Variants in CTDSPL observed in about 807,000 individuals in gnomAD.
CTDSPL encodes CTD small phosphatase-like protein.
A neutral mutation model predicts 30.5 loss-of-function variants in CTDSPL; 8 were observed. The observed-to-expected ratio is 0.26, with a 90% CI of 0.15 to 0.47. CTDSPL has a LOEUF of 0.47. CTDSPL is among the 20% of genes least tolerant of loss of function. The pLI is 0.99. For missense variants in CTDSPL, 248 were observed against 366.1 expected, an observed-to-expected ratio of 0.68 and a Z score of 2.63; for synonymous variants, 110 against 137.9, an observed-to-expected ratio of 0.80 and a Z score of 1.42.
At chr3:37,885,121 T>C (rs1008097412) in intron 1 of CTDSPL, among the ~76,000 whole-genome samples, 1 of 152,178 alleles carries the variant, frequency 6.6e-6, no homozygotes, top group Non-Finnish European at 1.5e-5. Context: ...ATTTAAATGA[T>C]TGGCTTTAGA....
chr3:37,929,871 G>A (rs949597022), intron 1 of CTDSPL, among the ~76,000 whole-genome samples: 4 of 152,154 alleles, frequency 2.6e-5, no homozygotes, highest in Non-Finnish European at 5.9e-5. Context: ...ACTTTGGGAG[G>A]CTGATGCAGG....
chr3:37,935,915 A>G (rs1162392636), intron 1 of CTDSPL, among the ~76,000 whole-genome samples: 1 of 152,214 alleles, frequency 6.6e-6, no homozygotes. Context: ...CCCGATGCAT[A>G]GTTGAGAATA....
At chr3:37,943,572 C>T (rs1320596604) in intron 1 of CTDSPL, among the ~76,000 whole-genome samples, 1 of 150,448 alleles carries the variant, frequency 6.6e-6, no homozygotes, top group Non-Finnish European at 1.5e-5. Context: ...ATAGTTGCTA[C>T]TCCCTCCTTT....
chr3:37,890,305 C>T (rs1458691313), intron 1 of CTDSPL, among the ~76,000 whole-genome samples: 1 of 151,954 alleles, frequency 6.6e-6, no homozygotes, highest in Admixed American at 6.6e-5. Flanking sequence ...GGGAGTTGTA[C>T]AAGGGAAAAT....
intron 7 of CTDSPL, among the ~76,000 whole-genome samples, chr3:37,976,556 C>T (rs1457785946): frequency 2.0e-5 from 3 of 151,032 alleles, no homozygotes; most frequent in Non-Finnish European, 2.9e-5. Flanking sequence ...CACTTGAACC[C>T]GGGAGGCGGA....
At chr3:37,927,757 C>G (rs920629642) in intron 1 of CTDSPL, among the ~76,000 whole-genome samples, 2 of 147,342 alleles carry the variant, frequency 1.4e-5, no homozygotes, top group Non-Finnish European at 3.0e-5. Flanking sequence ...ACAGTCTTAT[C>G]TATATTGTAC....
chr3:37,937,932 C>G (rs1268900331), intron 1 of CTDSPL, among the ~76,000 whole-genome samples: 1 of 150,446 alleles, frequency 6.6e-6, no homozygotes, highest in Non-Finnish European at 1.5e-5. Context: ...CATGCTGGGT[C>G]TTCAGGGATC....
intron 1 of CTDSPL, among the ~76,000 whole-genome samples, chr3:37,924,094 C>T (rs981994855): frequency 6.6e-6 from 1 of 152,220 alleles, no homozygotes; most frequent in African/African-American, 2.4e-5. Context: ...AGGCCTCTTG[C>T]CGTATGGCAT....
chr3:37,982,522 G>A lies in CTDSPL; in HGVS notation c.*1655G>A, dbSNP rs940972003. On this transcript the variant is annotated 3_prime_UTR_variant, in exon 8 of 8. Transcript: ENST00000273179. Reference sequence around the variant, plus strand: ...ACTGGCATTAACAAGACTGGAAATCGGGGGTCAAAGTAAAATATCTTTGTT... The same window carrying A: ...ACTGGCATTAACAAGACTGGAAATCAGGGGTCAAAGTAAAATATCTTTGTT... 5 of 456,510 alleles carry A rather than the reference G, an allele frequency of 1.1e-5. No individual in the cohort carries two copies. Among genetic ancestry groups the A allele is most frequent in the African/African-American group, 2.0e-5 (1 of 50,076 alleles). The allele number at this position is 456,510 out of a possible 1,614,324, so 28.3% of individuals were successfully genotyped here.
At position 37,963,075 on chromosome 3, in the gene CTDSPL, G is replaced by A. The variant is rs189415343; in HGVS notation, c.268-1496G>A. On this transcript the variant is annotated intron_variant, in intron 3 of 7. Coordinates refer to ENST00000273179, the MANE Select transcript of CTDSPL (RefSeq NM_001008392.2). ...AGGACAGAGTCCTTTCTAGATCCTC[G>A]AATTTCGTGCCTGTCTCCAAGGCAC... Among the ~76,000 whole-genome samples, 6 of 152,276 alleles carry A rather than the reference G, an allele frequency of 3.9e-5. No individual in the cohort carries two copies. In the East Asian group the frequency reaches 7.7e-4, roughly 20 times the overall value.
intron 1 of CTDSPL, among the ~76,000 whole-genome samples, chr3:37,922,338 A>G (rs7620798): frequency 0.25 from 37,879 of 152,030 alleles, 6,435 homozygotes; most frequent in African/African-American, 0.48. Flanking sequence ...TGCTGTCCTC[A>G]AACAGAAGGC....
chr3:37,867,456 T>C (rs1452910377), intron 1 of CTDSPL, among the ~76,000 whole-genome samples: 1 of 152,212 alleles, frequency 6.6e-6, no homozygotes, highest in Non-Finnish European at 1.5e-5. Context: ...TAAGTCTTCA[T>C]ATCTCTGGGA....
chr3:37,880,617 TGA>T (rs1262670499), intron 1 of CTDSPL, among the ~76,000 whole-genome samples: 1 of 152,170 alleles, frequency 6.6e-6, no homozygotes, highest in Non-Finnish European at 1.5e-5. Context: ...ATCGTAGAAG[TGA>T]GAGAAAGAAT....
intron 1 of CTDSPL, among the ~76,000 whole-genome samples, chr3:37,898,554 G>A (rs1698413940): frequency 6.6e-6 from 1 of 152,126 alleles, no homozygotes; most frequent in Non-Finnish European, 1.5e-5. Context: ...TACGAGCCCC[G>A]TGCCAAGAGC....
At position 37,982,765 on chromosome 3, in the gene CTDSPL, T is replaced by C. The variant is rs1003231389; in HGVS notation, c.*1898T>C. 2.2e-5 allele frequency: 9 copies of C among 400,316 alleles called. No homozygotes were observed. The highest frequency in any genetic ancestry group is 1.4e-4 in the South Asian group (8 of 56,724). The allele number at this position is 400,316 out of a possible 1,614,324, so 24.8% of individuals were successfully genotyped here. ...ATTACCACAGATAATGACAGTTACA[T>C]GGTAGAACTGCCCATGCCACAAATA... On this transcript the variant is annotated 3_prime_UTR_variant, in exon 8 of 8. Transcript: ENST00000273179.
At chr3:37,893,356 C>G (rs1191924291) in intron 1 of CTDSPL, among the ~76,000 whole-genome samples, 4 of 152,202 alleles carry the variant, frequency 2.6e-5, no homozygotes, top group African/African-American at 9.6e-5. Context: ...TTCACAGCAG[C>G]TTTAAAAAGT....
intron 1 of CTDSPL, among the ~76,000 whole-genome samples, chr3:37,934,721 A>G (rs941859464): frequency 5.3e-5 from 8 of 152,238 alleles, no homozygotes; most frequent in Non-Finnish European, 1.2e-4. Context: ...CTTGCAGTAG[A>G]CAAGAGGGAT....
chr3:37,977,174 C>T (rs1699438314), intron 7 of CTDSPL, among the ~76,000 whole-genome samples: 1 of 152,214 alleles, frequency 6.6e-6, no homozygotes, highest in African/African-American at 2.4e-5. Flanking sequence ...GTGTCTCTAA[C>T]AGATAAGGAT....
chr3:37,862,780 G>C lies in CTDSPL; in HGVS notation c.79+502G>C, dbSNP rs530066853. 6.6e-6 allele frequency among the ~76,000 whole-genome samples: 1 copy of C among 152,328 alleles called. No homozygotes were observed. Among genetic ancestry groups the C allele is most frequent in the South Asian group, 2.1e-4 (1 of 4,826 alleles). ...ATTAGAGGTTTGTATGGGCCTGACT[G>C]AGGGGTTGTGGAATGTGTGTGCGTG... On this transcript the variant is annotated intron_variant, in intron 1 of 7. Coordinates refer to ENST00000273179, the MANE Select transcript of CTDSPL (RefSeq NM_001008392.2). The surrounding 1 kb of genome is among the most constrained non-coding windows in gnomAD (Gnocchi z 4.3).
Sources: gnomAD v4.1 joint callset for allele counts (sites outside exome capture counted in the v4.1 genomes callset) on GRCh38, gnomAD v4.1.1 for gene constraint, Gnocchi (gnomAD v3.1) non-coding constraint, MANE v1.5 for transcripts, NCBI Gene and HGNC (gene_info 2026-07-23, HGNC 2026-07-21) for gene names.